The following GABRB2 variants were observed in gnomAD, a reference collection of about 807,000 sequenced individuals.
GABRB2 encodes the protein gamma-aminobutyric acid receptor subunit beta-2.
A neutral mutation model predicts 54.7 loss-of-function variants in GABRB2; 16 were observed. The observed-to-expected ratio is 0.29, with a 90% CI of 0.20 to 0.44. The LOEUF is 0.44. GABRB2 is among the 20% of genes least tolerant of loss of function. GABRB2 has a pLI of 1.00. For missense variants in GABRB2, 355 were observed against 644.0 expected, an observed-to-expected ratio of 0.55 and a Z score of 4.86; for synonymous variants, 244 against 233.8, an observed-to-expected ratio of 1.04 and a Z score of -0.40.
At chr5:161,311,968 A>C (rs1353990406) in intron 9 of GABRB2, among the ~76,000 whole-genome samples, 1 of 152,068 alleles carries the variant, frequency 6.6e-6, no homozygotes, top group Non-Finnish European at 1.5e-5. Context: ...AAGTCTGCTA[A>C]ATGGTCTTCA....
chr5:161,479,704 T>G (rs1011762277), intron 3 of GABRB2, among the ~76,000 whole-genome samples: 1 of 151,416 alleles, frequency 6.6e-6, no homozygotes, highest in Non-Finnish European at 1.5e-5. Context: ...ATTCTCCTGC[T>G]TCAGCCTCCT....
At chr5:161,510,964 A>C (rs1284325227) in intron 3 of GABRB2, among the ~76,000 whole-genome samples, 4 of 151,942 alleles carry the variant, frequency 2.6e-5, no homozygotes, top group Non-Finnish European at 4.4e-5. Context: ...TAACCAAACT[A>C]ATGATGATCA....
At chr5:161,459,595 A>T in intron 4 of GABRB2, 29 bp downstream of exon 4, 1 of 1,563,230 alleles carries the variant, frequency 6.4e-7, no homozygotes, top group Non-Finnish European at 8.8e-7. Flanking sequence ...GTTCAGGAAA[A>T]GTTATATTTT....
chr5:161,479,392 A>C (rs759571312), intron 3 of GABRB2, among the ~76,000 whole-genome samples: 1 of 151,894 alleles, frequency 6.6e-6, no homozygotes, highest in Non-Finnish European at 1.5e-5. Context: ...TACTTCTTAC[A>C]TTGTGCAACC....
At chr5:161,343,179 A>T (rs1290858945) in intron 5 of GABRB2, among the ~76,000 whole-genome samples, 4 of 152,036 alleles carry the variant, frequency 2.6e-5, no homozygotes, top group Non-Finnish European at 5.9e-5. Context: ...ATTGCATCTT[A>T]TTCTTCACTC....
At chr5:161,434,409 T>C (rs1757254683) in intron 4 of GABRB2, among the ~76,000 whole-genome samples, 2 of 152,302 alleles carry the variant, frequency 1.3e-5, no homozygotes, top group South Asian at 4.1e-4. Flanking sequence ...CCCCTAAAGA[T>C]AAAGTCCAGG....
At chr5:161,297,854 C>G (rs1757427674) in intron 9 of GABRB2, among the ~76,000 whole-genome samples, 1 of 152,126 alleles carries the variant, frequency 6.6e-6, no homozygotes, top group Non-Finnish European at 1.5e-5. Flanking sequence ...TTAGGAATCG[C>G]CACACTGTCT....
chr5:161,338,758 C>A (rs886384899), intron 5 of GABRB2, among the ~76,000 whole-genome samples: 2 of 151,986 alleles, frequency 1.3e-5, no homozygotes, highest in Admixed American at 6.6e-5. Context: ...TGCACTCCAG[C>A]CTGGGTGACA....
In GABRB2 at chr5:161,336,720, A is replaced by G. The variant is rs1426438345; in HGVS notation, c.591T>C (p.Asn197=). ...DIEFYWRGDD[N]AVTGVTKIEL... is the part of the protein sequence containing the mutation. ...CAATTTTCGTTACTCCTGTTACTGC[A>G]TTATCATCGCCACGCCAGTAAAACT... is the stretch of plus-strand genomic sequence containing the variant. Residue 197 remains asparagine, a synonymous_variant, in exon 6 of 10, where the codon AAT becomes AAC. Coordinates refer to ENST00000393959, the MANE Select transcript of GABRB2 (RefSeq NM_001371727.1). 2 of 1,613,066 alleles carry G rather than the reference A, an allele frequency of 1.2e-6. No individual in the cohort carries two copies. Among genetic ancestry groups the G allele is most frequent in the African/African-American group, 2.7e-5 (2 of 74,748 alleles).
At chr5:161,419,861 G>A (rs2113141767) in intron 4 of GABRB2, among the ~76,000 whole-genome samples, 1 of 152,198 alleles carries the variant, frequency 6.6e-6, no homozygotes, top group East Asian at 1.9e-4. Context: ...ACAAAGTTCA[G>A]CGTTCACTAT....
At chr5:161,347,727 C>T (rs534285381) in intron 5 of GABRB2, among the ~76,000 whole-genome samples, 1 of 152,210 alleles carries the variant, frequency 6.6e-6, no homozygotes, top group East Asian at 1.9e-4. Context: ...CAGAACCTCC[C>T]AGCTGACCTG....
At chr5:161,514,758 T>G (rs970683676) in intron 3 of GABRB2, among the ~76,000 whole-genome samples, 1 of 152,236 alleles carries the variant, frequency 6.6e-6, no homozygotes, top group Non-Finnish European at 1.5e-5. Context: ...CCAAGATTAA[T>G]GTCTACATAC....
At chr5:161,295,944 G>C (rs1004563834) in intron 9 of GABRB2, among the ~76,000 whole-genome samples, 1 of 152,164 alleles carries the variant, frequency 6.6e-6, no homozygotes, top group Non-Finnish European at 1.5e-5. Context: ...AGGGCCAGGT[G>C]GTGGCTTTAA....
intron 5 of GABRB2, among the ~76,000 whole-genome samples, chr5:161,400,281 A>G (rs1463020018): frequency 6.6e-6 from 1 of 152,192 alleles, no homozygotes; most frequent in Non-Finnish European, 1.5e-5. Flanking sequence ...TTCACTAAAA[A>G]TGATAAGAAA....
intron 3 of GABRB2, among the ~76,000 whole-genome samples, chr5:161,533,123 G>A (rs1760516257): frequency 6.6e-6 from 1 of 152,106 alleles, no homozygotes; most frequent in South Asian, 2.1e-4. Context: ...AGATGCCAAA[G>A]TGTATAGCAA....
At chr5:161,506,409 T>C (rs1446130995) in intron 3 of GABRB2, among the ~76,000 whole-genome samples, 1 of 152,198 alleles carries the variant, frequency 6.6e-6, no homozygotes, top group Non-Finnish European at 1.5e-5. Context: ...TGAGGCTGTG[T>C]AGGAACTAGC....
chr5:161,473,023 T>A (rs1361199106), intron 3 of GABRB2, among the ~76,000 whole-genome samples: 3 of 152,010 alleles, frequency 2.0e-5, no homozygotes, highest in African/African-American at 7.2e-5. Context: ...TTCTAAATAA[T>A]TAGCAACACT....
At chr5:161,348,086 A>G (rs922475690) in intron 5 of GABRB2, among the ~76,000 whole-genome samples, 3 of 152,188 alleles carry the variant, frequency 2.0e-5, no homozygotes, top group East Asian at 3.9e-4. Flanking sequence ...CTCAGTTTCT[A>G]TATCTGAAAA....
rs183005809 is a variant in GABRB2, at chr5:161,322,710, C to T, written c.1191+3658G>A. 3.1e-4 allele frequency among the ~76,000 whole-genome samples: 47 copies of T among 152,278 alleles called. No individual in the cohort carries two copies. The Middle Eastern group carries it at 0.01, about 33-fold the overall frequency. ...TTCCTCTAAAAGATTTTTATCCATA[C>T]AACTTTTTCCTCTGCATTTGGCATG... On this transcript the variant is annotated intron_variant, in intron 9 of 9. Coordinates refer to ENST00000393959, the MANE Select transcript of GABRB2 (RefSeq NM_001371727.1).
Sources: gnomAD v4.1 joint callset for allele counts (sites outside exome capture counted in the v4.1 genomes callset) on GRCh38, gnomAD v4.1.1 for gene constraint, MANE v1.5 for transcripts, NCBI Gene and HGNC (gene_info 2026-07-23, HGNC 2026-07-21) for gene names.